LEMD3: variants seen among roughly 807,000 people sequenced by gnomAD.
The protein encoded by LEMD3 is inner nuclear membrane protein Man1.
A neutral mutation model predicts 95.2 loss-of-function variants in LEMD3; 33 were observed. The observed-to-expected ratio is 0.35, with a 90% confidence interval of 0.26 to 0.46. LEMD3 has a LOEUF of 0.46. Among genes scored for constraint, LEMD3 ranks in the 20% least tolerant of loss-of-function variants. The probability of loss-of-function intolerance (pLI) is 1.00; values close to 1 mark genes in which losing one functional copy is unlikely to be tolerated. For synonymous variants in LEMD3, 525 were observed against 474.6 expected (o/e 1.11, Z -1.38); for missense variants, 1,210 against 1,192.8 (o/e 1.01, Z -0.21).
At chr12:65,216,341 G>A (rs908707345) in intron 3 of LEMD3, among the ~76,000 whole-genome samples, 2 of 151,910 alleles carry the variant, frequency 1.3e-5, no homozygotes, top group Non-Finnish European at 2.9e-5. Context: ...AGTATCAGAG[G>A]AATTAGGTAA....
chr12:65,238,979 G>A (rs1327922008), intron 6 of LEMD3, among the ~76,000 whole-genome samples, 165 bp downstream of exon 6: 1 of 152,010 alleles, frequency 6.6e-6, no homozygotes, highest in African/African-American at 2.4e-5. Context: ...CATTCTAAAG[G>A]CTTAGAAAGC....
In LEMD3 at chr12:65,175,213, A is replaced by G. The variant is rs557978858; in HGVS notation, c.1522+4095A>G. Among the ~76,000 whole-genome samples, 5 of 152,312 alleles carry G rather than the reference A, an allele frequency of 3.3e-5. No homozygotes were observed. The South Asian group carries it at 8.3e-4, about 25-fold the overall frequency. Reference sequence around the variant, plus strand: ...AATTTTAAGTGATATTATAGCATACATATTCTGCAACTTGTTTTTTGTATC... The same window carrying G: ...AATTTTAAGTGATATTATAGCATACGTATTCTGCAACTTGTTTTTTGTATC... On this transcript the variant is annotated intron_variant, in intron 1 of 12. Coordinates refer to ENST00000308330, the MANE Select transcript of LEMD3 (RefSeq NM_014319.5).
intron 4 of LEMD3, among the ~76,000 whole-genome samples, chr12:65,234,003 T>G (rs893027818): frequency 1.3e-5 from 2 of 152,216 alleles, no homozygotes; most frequent in Non-Finnish European, 2.9e-5. Flanking sequence ...AGCTCTTGCC[T>G]ATAAGTAAAT....
chr12:65,223,618 G>GTT (rs1338243634), intron 4 of LEMD3, among the ~76,000 whole-genome samples: 2 of 150,832 alleles, frequency 1.3e-5, no homozygotes, highest in Non-Finnish European at 3.0e-5. Context: ...GCCTGTGTGT[G>GTT]TCCTTAAATC....
chr12:65,186,820 T>C (rs1330952840), intron 1 of LEMD3, among the ~76,000 whole-genome samples: 1 of 152,010 alleles, frequency 6.6e-6, no homozygotes, highest in East Asian at 1.9e-4. Context: ...GTTTTGATGT[T>C]TAAAATGCAA....
intron 4 of LEMD3, among the ~76,000 whole-genome samples, chr12:65,226,863 T>A (rs1358927762): frequency 6.6e-6 from 1 of 152,234 alleles, no homozygotes; most frequent in Admixed American, 6.5e-5. Context: ...AAATTCAATT[T>A]CTGTGTTTTC....
chr12:65,189,301 C>T (rs1869164896), intron 1 of LEMD3, among the ~76,000 whole-genome samples: 1 of 152,112 alleles, frequency 6.6e-6, no homozygotes, highest in Non-Finnish European at 1.5e-5. Flanking sequence ...GCTCTTTAGC[C>T]AAGGCCTCCA....
At chr12:65,180,433 ATAAGT>A (rs1050531371) in intron 1 of LEMD3, among the ~76,000 whole-genome samples, 21 of 150,810 alleles carry the variant, frequency 1.4e-4, no homozygotes, top group Middle Eastern at 3.5e-3. Flanking sequence ...CAGGAAGAAA[ATAAGT>A]TAGGTTTTAA....
intron 3 of LEMD3, among the ~76,000 whole-genome samples, chr12:65,216,872 T>G (rs1254822383): frequency 6.6e-6 from 1 of 152,168 alleles, no homozygotes; most frequent in African/African-American, 2.4e-5. Flanking sequence ...TTAATTCTGG[T>G]CAATTTTTTA....
In LEMD3 at chr12:65,170,291, C is replaced by G. The variant is rs758383183; in HGVS notation, c.695C>G (p.Pro232Arg). Residue 232 changes from proline to arginine, a missense_variant, in exon 1 of 13, where the codon CCG becomes CGG. By Grantham distance (103) the Pro-to-Arg change is moderately radical. Coordinates refer to ENST00000308330, the MANE Select transcript of LEMD3 (RefSeq NM_014319.5). ...GGAGAGGACGGTGAGGAGAGGGACC[C>G]GGAGACCGAGGAGCCGCTCTGGGCG... ...GEGEDGEERD[P>R]ETEEPLWASR... is the part of the protein sequence containing the mutation. The G allele has an allele frequency of 6.3e-7, 1 of 1,576,458 alleles. No individual in the cohort carries two copies. Among genetic ancestry groups the G allele is most frequent in the Non-Finnish European group, 8.6e-7 (1 of 1,161,386 alleles).
chr12:65,208,400 G>C (rs952344770), intron 1 of LEMD3, among the ~76,000 whole-genome samples: 2 of 152,098 alleles, frequency 1.3e-5, no homozygotes. Context: ...TCCCTCCCTA[G>C]TTTTCTAGTG....
At chr12:65,171,147 AC>A (rs763178871) in intron 1 of LEMD3, 29 bp downstream of exon 1, 2 of 1,604,598 alleles carry the variant, frequency 1.2e-6, no homozygotes, top group Non-Finnish European at 1.7e-6. Context: ...GGGTAAGGTA[AC>A]AAAGAGAATG....
chr12:65,209,206 T>C (rs1037870119), intron 1 of LEMD3, among the ~76,000 whole-genome samples: 2 of 152,146 alleles, frequency 1.3e-5, no homozygotes, highest in African/African-American at 2.4e-5. Flanking sequence ...GTGGTGAACA[T>C]TGATAATTTA....
chr12:65,234,980 A>T (rs1870734312), intron 4 of LEMD3, among the ~76,000 whole-genome samples: 1 of 152,166 alleles, frequency 6.6e-6, no homozygotes, highest in African/African-American at 2.4e-5. Context: ...CTTGTCCAGT[A>T]TTATATGTAG....
intron 4 of LEMD3, among the ~76,000 whole-genome samples, chr12:65,226,723 A>G (rs1870458325): frequency 6.6e-6 from 1 of 152,186 alleles, no homozygotes; most frequent in South Asian, 2.1e-4. Flanking sequence ...ATTTTGGTAA[A>G]GTCTCTAACT....
chr12:65,211,784 C>T (rs1869946505), intron 2 of LEMD3, among the ~76,000 whole-genome samples: 1 of 152,258 alleles, frequency 6.6e-6, no homozygotes, highest in African/African-American at 2.4e-5. Flanking sequence ...GCTACAGTGT[C>T]ATAATTTAAA....
chr12:65,194,232 AT>A (rs1869338307), intron 1 of LEMD3, among the ~76,000 whole-genome samples: 1 of 152,166 alleles, frequency 6.6e-6, no homozygotes, highest in African/African-American at 2.4e-5. Context: ...AGCCCACTGT[AT>A]TCTTGTAACC....
At position 65,240,201 on chromosome 12, in the gene LEMD3, C is replaced by T. The variant is rs1364163372; in HGVS notation, c.2089C>T (p.Pro697Ser). 6.2e-7 allele frequency: 1 copy of T among 1,613,330 alleles called. No individual in the cohort carries two copies. The highest frequency in any genetic ancestry group is 1.7e-5 in the Admixed American group (1 of 60,002). ...AGATTTACAACCTTACATGCCTATT[C>T]CACATGTACGCGATTCCTTAATACA... ...NKDLQPYMPI[P>S]HVRDSLIQPH... is the part of the protein sequence containing the mutation. The change falls in exon 8 of 13, where the codon CCA (proline) becomes TCA (serine). Residue 697 changes from proline (P) to serine (S), a missense_variant. Transcript: ENST00000308330.
Position 65,169,917 on chromosome 12 carries a change from G to A in LEMD3, c.321G>A (p.Leu107=), listed in dbSNP as rs776870950. ...DLSYLRTPGG[L]CRISASGPES... is the part of the protein sequence containing the mutation. ...CCTACTTACGGACTCCTGGGGGCCT[G>A]TGCCGAATCTCGGCCTCTGGCCCAG... The change falls in exon 1 of 13, where the codon CTG becomes CTA. Residue 107 remains leucine (L), a synonymous_variant. Coordinates refer to ENST00000308330, the MANE Select transcript of LEMD3 (RefSeq NM_014319.5). The A allele has an allele frequency of 1.4e-5, 21 of 1,449,486 alleles. No homozygotes were observed. In the South Asian group the frequency reaches 2.4e-4, roughly 16 times the overall value. 89.8% of individuals were successfully genotyped at this position (1,449,486 alleles called of 1,614,324 possible).
Sources: gnomAD v4.1 joint callset for allele counts (sites outside exome capture counted in the v4.1 genomes callset) on GRCh38, gnomAD v4.1.1 for gene constraint, MANE v1.5 for transcripts, NCBI Gene and HGNC (gene_info 2026-07-23, HGNC 2026-07-21) for gene names.